Variants in BICRA observed in about 807,000 individuals in gnomAD.
BICRA encodes the protein BRD4 interacting chromatin remodeling complex associated protein, also known as BRD4-interacting chromatin-remodeling complex-associated protein.
Under a neutral mutation model 96.9 loss-of-function variants are expected in BICRA, and 31 were observed. That is an observed-to-expected ratio of 0.32 (90% CI 0.24 to 0.43). The LOEUF is 0.43. BICRA is among the 20% of genes least tolerant of loss of function. BICRA has a pLI of 1.00. For missense variants in BICRA, 2,283 were observed against 2,190.3 expected, an observed-to-expected ratio of 1.04 and a Z score of -0.84; for synonymous variants, 1,350 against 1,071.8, an observed-to-expected ratio of 1.26 and a Z score of -5.07.
chr19:47,612,848 T>TC (rs1417267517), intron 1 of BICRA, among the ~76,000 whole-genome samples: 3 of 152,054 alleles, frequency 2.0e-5, no homozygotes, highest in Non-Finnish European at 4.4e-5. Flanking sequence ...TGGGGTCTGA[T>TC]CCCAGGAGCT....
At chr19:47,649,962 CTTT>C (rs1053762820) in intron 1 of BICRA, among the ~76,000 whole-genome samples, 1 of 147,672 alleles carries the variant, frequency 6.8e-6, no homozygotes, top group Non-Finnish European at 1.5e-5. Context: ...TTTGCCATTA[CTTT>C]TTTTTTTTGA....
rs763912313 is a variant in BICRA at position 47,698,820 on chromosome 19, G to C, written c.3397+38G>C. ...CAGGACACGGCCCTATATGTCCCAG[G>C]GGACCCCAGCCCGTGGGGCGGGGCG... On this transcript the variant is annotated intron_variant, in intron 12 of 14. Transcript: ENST00000594866. This position sits in a 1 kb window ranked among gnomAD's most constrained non-coding sequence, Gnocchi z 4.8. The C allele has an allele frequency of 2.6e-6, 4 of 1,541,840 alleles. No individual in the cohort carries two copies. The Admixed American group carries it at 7.4e-5, about 28-fold the overall frequency.
chr19:47,694,344 A>G lies in BICRA; in HGVS notation c.2513A>G (p.Gln838Arg). ...PPTLPGIFVI[Q>R]NQLGVPPPAS... is the part of the protein sequence containing the mutation. ...ACTCTGCCTGGCATCTTTGTCATCC[A>G]AAACCAGCTAGGCGTTCCCCCGCCT... The change falls in exon 8 of 15, where the codon CAA (glutamine) becomes CGA (arginine). Residue 838 changes from glutamine (Q) to arginine (R), a missense_variant. Gln to Arg is a conservative substitution (Grantham distance 43). Transcript: ENST00000594866. The G allele has an allele frequency of 9.2e-7, 1 of 1,089,132 alleles. No individual in the cohort carries two copies. Among genetic ancestry groups the G allele is most frequent in the Non-Finnish European group, 1.3e-6 (1 of 786,622 alleles). 67.5% of individuals were successfully genotyped at this position (1,089,132 alleles called of 1,614,324 possible). A position where few individuals can be genotyped will look rare whatever the true frequency, so the allele number is the denominator to read the frequency against.
chr19:47,656,806 C>T (rs766379211), intron 1 of BICRA, among the ~76,000 whole-genome samples: 2 of 152,032 alleles, frequency 1.3e-5, no homozygotes, highest in Non-Finnish European at 2.9e-5. Context: ...TCCCTTGAAG[C>T]GGCCACACGT....
chr19:47,652,144 A>T (rs1260325545), intron 1 of BICRA, among the ~76,000 whole-genome samples: 1 of 152,130 alleles, frequency 6.6e-6, no homozygotes, highest in Non-Finnish European at 1.5e-5. Context: ...GCTCATGCAG[A>T]ATCCAGGTAA....
chr19:47,633,082 T>TC (rs1972245112), intron 1 of BICRA, among the ~76,000 whole-genome samples: 1 of 41,462 alleles, frequency 2.4e-5, no homozygotes, highest in South Asian at 5.9e-4. Context: ...TTTTATTTCT[T>TC]TTTTTTTTTT....
At chr19:47,625,802 C>T (rs911844652) in intron 1 of BICRA, among the ~76,000 whole-genome samples, 2 of 151,916 alleles carry the variant, frequency 1.3e-5, no homozygotes, top group Non-Finnish European at 2.9e-5. Flanking sequence ...GTTCAGGAGG[C>T]CAGCATGGAT....
chr19:47,660,647 A>G (rs535903932), intron 1 of BICRA, among the ~76,000 whole-genome samples: 1 of 152,294 alleles, frequency 6.6e-6, no homozygotes, highest in East Asian at 1.9e-4. Context: ...GGACAACTAA[A>G]GGGATAGAGG....
chr19:47,681,938 G>C (rs1418447887), intron 6 of BICRA, 38 bp from the exon 7 acceptor site: 1 of 1,454,100 alleles, frequency 6.9e-7, no homozygotes, highest in Non-Finnish European at 9.3e-7. Flanking sequence ...GGGCCTGTGG[G>C]GGCGGCTTTC....
chr19:47,687,796 T>TA (rs1259351459), intron 7 of BICRA, among the ~76,000 whole-genome samples: 2 of 131,322 alleles, frequency 1.5e-5, no homozygotes, highest in African/African-American at 5.8e-5. Flanking sequence ...CACTCTAGCC[T>TA]AGGCAGCAGA....
At chr19:47,673,977 A>C (rs1231476595) in intron 4 of BICRA, among the ~76,000 whole-genome samples, 2 of 152,196 alleles carry the variant, frequency 1.3e-5, no homozygotes, top group African/African-American at 4.8e-5. Flanking sequence ...CCAGTCACTA[A>C]TAAAGGTAAT....
chr19:47,692,128 C>G (rs778345821), intron 7 of BICRA, among the ~76,000 whole-genome samples: 1 of 152,092 alleles, frequency 6.6e-6, no homozygotes, highest in Non-Finnish European at 1.5e-5. Context: ...CTCTTTTCTC[C>G]GACTCAGCGA....
Position 47,680,776 on chromosome 19 carries a change from G to A in BICRA, c.1606G>A (p.Ala536Thr). Residue 536 changes from alanine to threonine, a missense_variant, in exon 6 of 15, where the codon GCC becomes ACC. Coordinates refer to ENST00000594866, the MANE Select transcript of BICRA (RefSeq NM_001394372.1). ...CCCCGTGTTGGCCCCCCACTCCGGG[G>A]CCCACAGCGCGCACATCCTCTCCGC... is the stretch of plus-strand genomic sequence containing the variant. ...LGPVLAPHSG[A>T]HSAHILSAAP... The A allele has an allele frequency of 1.2e-6, 2 of 1,610,210 alleles. No homozygotes were observed. The highest frequency in any genetic ancestry group is 1.3e-5 in the African/African-American group (1 of 74,910).
At chr19:47,673,448 G>C (rs1171489374) in intron 2 of BICRA, 122 bp from the exon 3 acceptor site, 1 of 756,420 alleles carries the variant, frequency 1.3e-6, no homozygotes, top group African/African-American at 1.7e-5. Context: ...CTATCCCCAT[G>C]GACTCAAGGG....
In BICRA at chr19:47,648,558, G is replaced by A. The variant is rs1366659327; in HGVS notation, c.-107-21885G>A. Among the ~76,000 whole-genome samples, 2 of 151,820 alleles carry A rather than the reference G, an allele frequency of 1.3e-5. 1 individual carries two copies. Among genetic ancestry groups the A allele is most frequent in the Non-Finnish European group, 2.9e-5 (2 of 67,972 alleles). ...TGGGGGAGGGCTTGTGACTACAGACGGCCCTGGTGACACTCGAGAAAAGGA... is the reference window on the plus strand; with the variant it reads ...TGGGGGAGGGCTTGTGACTACAGACAGCCCTGGTGACACTCGAGAAAAGGA... On this transcript the variant is annotated intron_variant, in intron 1 of 14. Coordinates refer to ENST00000594866, the MANE Select transcript of BICRA (RefSeq NM_001394372.1).
chr19:47,694,794 G>A (rs1973307572), intron 8 of BICRA, 68 bp downstream of exon 8: 3 of 1,087,064 alleles, frequency 2.8e-6, no homozygotes, highest in Non-Finnish European at 4.0e-6. Context: ...TCTGATGGGA[G>A]CCCCTCCGCC....
In BICRA at chr19:47,694,457, G is replaced by GC; in HGVS notation, c.2632dup (p.His878ProfsTer16). ...GCCGCCTGAGGGACCGCTGCCCCCA[G>GC]CCCCCCACCTCCCTCCATCCTCCAC... is the stretch of plus-strand genomic sequence containing the variant. On this transcript the variant is annotated frameshift_variant, in exon 8 of 15. Coordinates refer to ENST00000594866, the MANE Select transcript of BICRA (RefSeq NM_001394372.1). LOFTEE classifies it high-confidence loss of function. The GC allele has an allele frequency of 6.3e-6, 2 of 316,868 alleles. No homozygotes were observed. Among genetic ancestry groups the GC allele is most frequent in the Non-Finnish European group, 1.2e-5 (2 of 173,820 alleles). The allele number at this position is 316,868 out of a possible 1,614,324, so 19.6% of individuals were successfully genotyped here.
At position 47,679,718 on chromosome 19, in the gene BICRA, C is replaced by T. The variant is rs376965561; in HGVS notation, c.548C>T (p.Pro183Leu). ...GTGCTGACCCACCAGGCCCTGGTGC[C>T]GCCCCAGGACGTGGTCAACAAGGCC... ...PTVLTHQALV[P>L]PQDVVNKALS... Residue 183 changes from proline (P) to leucine (L), a missense_variant, in exon 6 of 15, where the codon CCG becomes CTG. Coordinates refer to ENST00000594866, the MANE Select transcript of BICRA (RefSeq NM_001394372.1). The T allele has an allele frequency of 3.9e-6, 6 of 1,535,910 alleles. No individual in the cohort carries two copies. The highest frequency in any genetic ancestry group is 1.2e-5 in the South Asian group (1 of 82,640).
At chr19:47,690,348 C>T (rs543931929) in intron 7 of BICRA, among the ~76,000 whole-genome samples, 10 of 152,272 alleles carry the variant, frequency 6.6e-5, no homozygotes, top group Non-Finnish European at 1.0e-4. Context: ...TGTTTACTTC[C>T]TGGAAGCCTG....
Sources: allele counts gnomAD v4.1 joint callset (sites outside exome capture counted in the v4.1 genomes callset), GRCh38; gene constraint gnomAD v4.1.1; non-coding constraint Gnocchi (gnomAD v3.1); transcripts MANE v1.5; gene names NCBI Gene and HGNC (gene_info 2026-07-23, HGNC 2026-07-21).